RAB7A: variants seen among roughly 807,000 people sequenced by gnomAD.
The protein encoded by RAB7A is ras-related protein Rab-7a.
RAB7A carries 2 observed loss-of-function variants against 24.5 expected under a neutral mutation model. That is an observed-to-expected ratio of 0.08 (90% CI 0.03 to 0.26). The LOEUF (loss-of-function observed/expected upper bound fraction) is 0.26. Ranked by LOEUF, RAB7A falls within the 10% of genes least tolerant of loss-of-function variation. The pLI is 1.00. For missense variants in RAB7A, 118 were observed against 255.7 expected (o/e 0.46, Z 3.67); for synonymous variants, 100 against 95.9 (o/e 1.04, Z -0.25).
At chr3:128,797,410 T>C (rs1025044783) in intron 2 of RAB7A, among the ~76,000 whole-genome samples, 3 of 152,184 alleles carry the variant, frequency 2.0e-5, no homozygotes, top group Non-Finnish European at 2.9e-5. Flanking sequence ...TTCTTTGAGG[T>C]GGATTTGTTT....
At chr3:128,770,063 C>T (rs1055642358) in intron 1 of RAB7A, among the ~76,000 whole-genome samples, 10 of 148,968 alleles carry the variant, frequency 6.7e-5, no homozygotes, top group African/African-American at 1.2e-4. Context: ...AGTGCAGTGG[C>T]GCGATCTCGG....
chr3:128,764,320 T>C, intron 1 of RAB7A: 1 of 574,912 alleles, frequency 1.7e-6, no homozygotes, highest in East Asian at 2.9e-5. Context: ...CCAAATTTCT[T>C]TATTTGAAGG....
chr3:128,739,545 T>G (rs905658772), intron 1 of RAB7A, among the ~76,000 whole-genome samples: 2 of 152,076 alleles, frequency 1.3e-5, no homozygotes, highest in African/African-American at 4.8e-5. Context: ...GTGAACAGTT[T>G]TTTTCTGTCA....
intron 1 of RAB7A, among the ~76,000 whole-genome samples, chr3:128,759,382 G>C (rs2070758368): frequency 6.6e-6 from 1 of 152,168 alleles, no homozygotes; most frequent in Non-Finnish European, 1.5e-5. Context: ...TGCCATCTCG[G>C]ATCAGTTTCT....
At chr3:128,734,527 A>G (rs956860814) in intron 1 of RAB7A, among the ~76,000 whole-genome samples, 2 of 151,826 alleles carry the variant, frequency 1.3e-5, no homozygotes, top group African/African-American at 4.8e-5. Flanking sequence ...GTGAATGAGC[A>G]GTTAGTCTTC....
chr3:128,741,377 T>C (rs916045583), intron 1 of RAB7A, among the ~76,000 whole-genome samples: 8 of 152,126 alleles, frequency 5.3e-5, no homozygotes, highest in African/African-American at 1.9e-4. Flanking sequence ...ATAAAAACAA[T>C]GTTTTCTTCT....
At chr3:128,763,553 A>C (rs2070795466) in intron 1 of RAB7A, among the ~76,000 whole-genome samples, 1 of 152,082 alleles carries the variant, frequency 6.6e-6, no homozygotes, top group African/African-American at 2.4e-5. Flanking sequence ...CTTCATTAGG[A>C]ACCTTTTAAT....
At chr3:128,805,583 ATTTGT>A (rs959972471) in intron 3 of RAB7A, among the ~76,000 whole-genome samples, 7 of 151,934 alleles carry the variant, frequency 4.6e-5, no homozygotes, top group Non-Finnish European at 1.0e-4. Flanking sequence ...AGAGTTTTTC[ATTTGT>A]TTTGTTTTTT....
chr3:128,735,103 C>G lies in RAB7A; in HGVS notation c.-9+8744C>G, dbSNP rs532318081. Among the ~76,000 whole-genome samples, 5 of 152,248 alleles carry G rather than the reference C, an allele frequency of 3.3e-5. No homozygotes were observed. The East Asian group carries it at 9.6e-4, about 29-fold the overall frequency. ...TTTTCTTCTCTACTATAAGAAAACACTGTTGGCCCCTGTGGAGAATTATTC... is the reference window on the plus strand; with the variant it reads ...TTTTCTTCTCTACTATAAGAAAACAGTGTTGGCCCCTGTGGAGAATTATTC... On this transcript the variant is annotated intron_variant, in intron 1 of 5. Coordinates refer to ENST00000265062, the MANE Select transcript of RAB7A (RefSeq NM_004637.6).
chr3:128,732,776 G>C (rs1161952673), intron 1 of RAB7A, among the ~76,000 whole-genome samples: 1 of 152,088 alleles, frequency 6.6e-6, no homozygotes, highest in Non-Finnish European at 1.5e-5. Flanking sequence ...GCAGTGGTTT[G>C]TGTTCGTGGC....
rs1427428504 is a variant in RAB7A, at chr3:128,770,879, A to G, written c.-8-24481A>G. ...GCAAATCGTTATACTACTCTTTTCC[A>G]TAAAGCATTTGGGAACTGATTGCTT... On this transcript the variant is annotated intron_variant, in intron 1 of 5. Transcript: ENST00000265062. Among the ~76,000 whole-genome samples the G allele has an allele frequency of 9.2e-5, 14 of 152,216 alleles. No homozygotes were observed. The South Asian group carries it at 1.7e-3, about 18-fold the overall frequency.
intron 1 of RAB7A, among the ~76,000 whole-genome samples, chr3:128,793,620 G>A (rs1266924119): frequency 6.6e-6 from 1 of 152,186 alleles, no homozygotes; most frequent in Non-Finnish European, 1.5e-5. Flanking sequence ...ACCTTAGAGT[G>A]TGACATTTAA....
At chr3:128,809,998 G>T (rs1933892505) in intron 5 of RAB7A, among the ~76,000 whole-genome samples, 1 of 115,662 alleles carries the variant, frequency 8.6e-6, no homozygotes, top group Admixed American at 1.2e-4. Flanking sequence ...CCCCAGGCTG[G>T]AATGCAATGG....
chr3:128,738,688 A>G (rs970697390), intron 1 of RAB7A, among the ~76,000 whole-genome samples: 1 of 152,188 alleles, frequency 6.6e-6, no homozygotes, highest in African/African-American at 2.4e-5. Context: ...CTACCTTAGG[A>G]GGGGGCCTTA....
chr3:128,769,654 C>T (rs1383384654), intron 1 of RAB7A, among the ~76,000 whole-genome samples: 1 of 152,194 alleles, frequency 6.6e-6, no homozygotes, highest in Admixed American at 6.5e-5. Context: ...GTCAATCCTT[C>T]TAGGGATTGT....
At chr3:128,808,078 C>T (rs775437808) in intron 5 of RAB7A, among the ~76,000 whole-genome samples, 10 of 152,206 alleles carry the variant, frequency 6.6e-5, no homozygotes, top group East Asian at 5.8e-4. Flanking sequence ...AAATTATGGC[C>T]GGGCACTGTG....
intron 1 of RAB7A, chr3:128,764,789 G>A: frequency 1.2e-6 from 1 of 858,992 alleles, no homozygotes; most frequent in Non-Finnish European, 2.0e-6. Context: ...TGGCCACCAC[G>A]ATAGTTTTGC....
chr3:128,764,798 G>A, intron 1 of RAB7A: 1 of 878,116 alleles, frequency 1.1e-6, no homozygotes, highest in Non-Finnish European at 1.9e-6. Flanking sequence ...CGATAGTTTT[G>A]CAGCTTCATC....
chr3:128,776,956 AC>A (rs1452107653), intron 1 of RAB7A, among the ~76,000 whole-genome samples: 8 of 140,098 alleles, frequency 5.7e-5, no homozygotes, highest in Admixed American at 1.4e-4. Context: ...ACACACACAC[AC>A]ACACACACAC....
Sources: allele counts gnomAD v4.1 joint callset (sites outside exome capture counted in the v4.1 genomes callset), GRCh38; gene constraint gnomAD v4.1.1; transcripts MANE v1.5; gene names NCBI Gene and HGNC (gene_info 2026-07-23, HGNC 2026-07-21).